HIBCH: variants seen among roughly 807,000 people sequenced by gnomAD.
HIBCH encodes 3-hydroxyisobutyryl-CoA hydrolase, mitochondrial.
In HIBCH, 50 loss-of-function variants were observed where a neutral mutation model predicts 58.2. That is an observed-to-expected ratio of 0.86 (90% CI 0.68 to 1.09). The LOEUF (loss-of-function observed/expected upper bound fraction) is 1.09. Among genes scored for constraint, HIBCH ranks in the 50% least tolerant of loss-of-function variants. The pLI is 0.00. For missense variants in HIBCH, 450 were observed against 449.7 expected, an observed-to-expected ratio of 1.00 and a Z score of -0.01; for synonymous variants, 151 against 146.9, an observed-to-expected ratio of 1.03 and a Z score of -0.20.
intron 11 of HIBCH, among the ~76,000 whole-genome samples, chr2:190,240,372 T>C (rs1313862854): frequency 6.6e-6 from 1 of 152,162 alleles, no homozygotes; most frequent in Non-Finnish European, 1.5e-5. Context: ...TTATTGTGTC[T>C]ATTTGAGTCT....
At chr2:190,299,041 G>C (rs1192576102) in intron 2 of HIBCH, among the ~76,000 whole-genome samples, 2 of 152,118 alleles carry the variant, frequency 1.3e-5, no homozygotes, top group Non-Finnish European at 2.9e-5. Flanking sequence ...GTTTGTTGAA[G>C]ATGGCACCAC....
At position 190,304,786 on chromosome 2, in the gene HIBCH, ATCTCT is replaced by A. The variant is rs1688360813; in HGVS notation, c.78+5963_78+5967del. On this transcript the variant is annotated intron_variant, in intron 2 of 13. Transcript: ENST00000359678. The surrounding 1 kb of genome is among the most constrained non-coding windows in gnomAD (Gnocchi z 4.1). ...TTTGTTTTGATTTCCAAGTTTTATG[ATCTCT>A]TCTACCTCCAAAAGAAACTGAAGCA... Among the ~76,000 whole-genome samples the A allele has an allele frequency of 6.6e-6, 1 of 152,178 alleles. No homozygotes were observed. Among genetic ancestry groups the A allele is most frequent in the South Asian group, 2.1e-4 (1 of 4,828 alleles).
intron 4 of HIBCH, among the ~76,000 whole-genome samples, chr2:190,291,258 G>A (rs1248759909): frequency 6.6e-6 from 1 of 152,162 alleles, no homozygotes; most frequent in Non-Finnish European, 1.5e-5. Flanking sequence ...AGGTGTTGCA[G>A]ATAATAAAGA....
chr2:190,265,311 TATTTCACTGA>T (rs112829808), intron 6 of HIBCH, among the ~76,000 whole-genome samples: 42,201 of 151,834 alleles, frequency 0.28, 6,355 homozygotes, highest in East Asian at 0.45. Context: ...TATATGTTAG[TATTTCACTGA>T]AGTTTTAATT....
intron 9 of HIBCH, among the ~76,000 whole-genome samples, chr2:190,247,051 T>C (rs896252062): frequency 1.3e-5 from 2 of 152,110 alleles, no homozygotes; most frequent in Admixed American, 6.6e-5. Flanking sequence ...TTTCTCCTAT[T>C]CTGTACTTAT....
chr2:190,310,090 C>T lies in HIBCH; in HGVS notation c.78+664G>A, dbSNP rs574243491. On this transcript the variant is annotated intron_variant, in intron 2 of 13. Coordinates refer to ENST00000359678, the MANE Select transcript of HIBCH (RefSeq NM_014362.4). ...GAGTCTTCCAGCCTTCATCTTTCTCCGGCACTGGATGCTTCCTGCCTTCAA... is the reference window on the plus strand; with the variant it reads ...GAGTCTTCCAGCCTTCATCTTTCTCTGGCACTGGATGCTTCCTGCCTTCAA... 1.8e-4 allele frequency among the ~76,000 whole-genome samples: 28 copies of T among 152,248 alleles called. 1 individual carries two copies. Among genetic ancestry groups the T allele is most frequent in the African/African-American group, 6.3e-4 (26 of 41,564 alleles).
intron 4 of HIBCH, among the ~76,000 whole-genome samples, chr2:190,292,014 G>A (rs554161539): frequency 8.5e-5 from 13 of 152,172 alleles, no homozygotes; most frequent in African/African-American, 2.9e-4. Context: ...ACAGAATCTC[G>A]CTTTGTTGCC....
Position 190,243,852 on chromosome 2 carries a change from C to A in HIBCH, c.891+1035G>T, listed in dbSNP as rs1330990097. ...ACCCGTGGTGGCACACGCCCGTAGT[C>A]CCAGCTACTCAGGAGGCTGAGGTGT... On this transcript the variant is annotated intron_variant, in intron 11 of 13. Coordinates refer to ENST00000359678, the MANE Select transcript of HIBCH (RefSeq NM_014362.4). The surrounding 1 kb of genome is among the most constrained non-coding windows in gnomAD (Gnocchi z 4.1). Among the ~76,000 whole-genome samples, 2 of 152,148 alleles carry A rather than the reference C, an allele frequency of 1.3e-5. No individual in the cohort carries two copies. Among genetic ancestry groups the A allele is most frequent in the African/African-American group, 2.4e-5 (1 of 41,438 alleles).
intron 4 of HIBCH, among the ~76,000 whole-genome samples, chr2:190,291,111 AAT>A (rs1342392252): frequency 6.6e-6 from 1 of 152,178 alleles, no homozygotes; most frequent in African/African-American, 2.4e-5. Flanking sequence ...TTCCTTTGGT[AAT>A]ATGTCTTAAT....
intron 2 of HIBCH, among the ~76,000 whole-genome samples, chr2:190,298,384 C>T (rs1171395723): frequency 2.5e-5 from 3 of 118,260 alleles, no homozygotes; most frequent in Non-Finnish European, 6.7e-5. Context: ...TAAAAGCGTT[C>T]TTATTTCTCC....
chr2:190,227,088 C>T (rs1685928263), intron 11 of HIBCH, among the ~76,000 whole-genome samples: 1 of 152,070 alleles, frequency 6.6e-6, no homozygotes, highest in African/African-American at 2.4e-5. Flanking sequence ...CTTTAAAGTT[C>T]ATATGGAACC....
In HIBCH at chr2:190,206,004, A is replaced by G. The variant is rs192212234; in HGVS notation, c.1046-772T>C. 1.6e-4 allele frequency among the ~76,000 whole-genome samples: 25 copies of G among 152,342 alleles called. No individual in the cohort carries two copies. In the East Asian group the frequency reaches 2.7e-3, roughly 16 times the overall value. On this transcript the variant is annotated intron_variant, in intron 13 of 13. Transcript: ENST00000359678. This position sits in a 1 kb window ranked among gnomAD's most constrained non-coding sequence, Gnocchi z 5.1. Reference sequence around the variant, plus strand: ...GAATCTACAATGATCTCCAAATTTTAATGTTATGGTTGTGGCAGCAAATTT... The same window carrying G: ...GAATCTACAATGATCTCCAAATTTTGATGTTATGGTTGTGGCAGCAAATTT...
intron 1 of HIBCH, among the ~76,000 whole-genome samples, chr2:190,313,142 C>G (rs936839209): frequency 6.6e-6 from 1 of 152,138 alleles, no homozygotes; most frequent in Non-Finnish European, 1.5e-5. Flanking sequence ...CTTCATGCCT[C>G]CTTGCTTTGT....
intron 1 of HIBCH, among the ~76,000 whole-genome samples, chr2:190,193,016 T>C (rs1010706864): frequency 1.3e-5 from 2 of 152,094 alleles, no homozygotes; most frequent in African/African-American, 2.4e-5. Context: ...TTCCTCATAC[T>C]CAGTGGGACT....
chr2:190,235,249 T>G (rs1240542808), intron 11 of HIBCH, among the ~76,000 whole-genome samples: 3 of 152,158 alleles, frequency 2.0e-5, no homozygotes, highest in Non-Finnish European at 2.9e-5. Flanking sequence ...AGGTTCATAT[T>G]ATTACTAACA....
intron 1 of HIBCH, among the ~76,000 whole-genome samples, chr2:190,314,330 T>TACAC (rs528815061): frequency 0.024 from 40 of 1,670 alleles, 2 homozygotes; most frequent in African/African-American, 0.038. Context: ...TGTATATATG[T>TACAC]ATATATACAT....
At chr2:190,276,935 G>T (rs1332755579) in intron 6 of HIBCH, among the ~76,000 whole-genome samples, 2 of 152,132 alleles carry the variant, frequency 1.3e-5, no homozygotes, top group Admixed American at 6.6e-5. Flanking sequence ...GCTGACAAAA[G>T]AAGTACCTTA....
At chr2:190,194,485 C>CACAA (rs1455578025) in intron 1 of HIBCH, among the ~76,000 whole-genome samples, 1 of 129,428 alleles carries the variant, frequency 7.7e-6, no homozygotes, top group Admixed American at 7.3e-5. Context: ...TATACACACA[C>CACAA]ACACACACAC....
downstream of HIBCH, chr2:190,202,094 T>G (rs1241651574): frequency 6.0e-6 from 1 of 167,052 alleles, no homozygotes; most frequent in Non-Finnish European, 1.5e-5. Flanking sequence ...TATCTAAATA[T>G]TTTAATTTCA....
Sources: gnomAD v4.1 joint callset for allele counts (sites outside exome capture counted in the v4.1 genomes callset) on GRCh38, gnomAD v4.1.1 for gene constraint, Gnocchi (gnomAD v3.1) non-coding constraint, MANE v1.5 for transcripts, NCBI Gene and HGNC (gene_info 2026-07-23, HGNC 2026-07-21) for gene names.